CASP8: variants seen among roughly 807,000 people sequenced by gnomAD.
The protein encoded by CASP8 is caspase-8.
Under a neutral mutation model 46.3 loss-of-function variants are expected in CASP8, and 24 were observed. That is an observed-to-expected ratio of 0.52 (90% CI 0.38 to 0.73). CASP8 has a LOEUF of 0.73. Among genes scored for constraint, CASP8 ranks in the 30% least tolerant of loss-of-function variants. The probability of loss-of-function intolerance (pLI) is 0.00; values close to 1 mark genes in which losing one functional copy is unlikely to be tolerated. For synonymous variants in CASP8, 188 were observed against 200.4 expected (o/e 0.94, Z 0.52); for missense variants, 460 against 559.0 (o/e 0.82, Z 1.79).
At position 201,284,907 on chromosome 2, in the gene CASP8, C is replaced by A; in HGVS notation, c.894C>A (p.Ile298=). The A allele has an allele frequency of 6.2e-7, 1 of 1,614,144 alleles. No homozygotes were observed. The highest frequency in any genetic ancestry group is 8.5e-7 in the Non-Finnish European group (1 of 1,180,020). The stretch of plus-strand genomic sequence containing the variant: ...AGCAAATCTATGAGATTTTGAAAAT[C>A]TACCAACTCATGGACCACAGTAACA... ...TVEQIYEILK[I]YQLMDHSNMD... is the part of the protein sequence containing the mutation. Residue 298 remains isoleucine (I), a synonymous_variant, in exon 8 of 9, where the codon ATC becomes ATA. Transcript: ENST00000673742.
chr2:201,265,379 G>A (rs202033955), intron 1 of CASP8, among the ~76,000 whole-genome samples: 20 of 144,508 alleles, frequency 1.4e-4, no homozygotes, highest in East Asian at 4.1e-4. Context: ...GGTCTCAAAA[G>A]AAAAAAAAAA....
chr2:201,275,956 CTT>C (rs1162282614), intron 6 of CASP8, among the ~76,000 whole-genome samples: 2 of 152,128 alleles, frequency 1.3e-5, no homozygotes, highest in Admixed American at 6.6e-5. Flanking sequence ...ATAATAAAAA[CTT>C]AACATACTTG....
chr2:201,282,138 C>T (rs1482422246), intron 7 of CASP8, among the ~76,000 whole-genome samples: 6 of 58,018 alleles, frequency 1.0e-4, no homozygotes, highest in Non-Finnish European at 2.3e-4. Context: ...GGTGATGACT[C>T]TTAACGAGCA....
chr2:201,264,030 C>T (rs1407557980), intron 1 of CASP8, among the ~76,000 whole-genome samples: 1 of 152,218 alleles, frequency 6.6e-6, no homozygotes, highest in Non-Finnish European at 1.5e-5. Flanking sequence ...GAAGGAACTT[C>T]CTGTGCATTT....
intron 7 of CASP8, among the ~76,000 whole-genome samples, chr2:201,281,472 A>G (rs926098172): frequency 1.3e-5 from 2 of 152,204 alleles, no homozygotes; most frequent in Non-Finnish European, 2.9e-5. Context: ...TCATTACAAA[A>G]TGGAGCTCAA....
intron 2 of CASP8, among the ~76,000 whole-genome samples, chr2:201,243,776 C>T (rs536240625): frequency 1.1e-4 from 17 of 152,260 alleles, no homozygotes; most frequent in South Asian, 4.1e-4. Flanking sequence ...TAGTTTAATA[C>T]GCATAACAGC....
chr2:201,284,822 T>G lies in CASP8; in HGVS notation c.809T>G (p.Leu270Trp). 1 of 1,614,036 alleles carries G rather than the reference T, an allele frequency of 6.2e-7. No homozygotes were observed. The highest frequency in any genetic ancestry group is 8.5e-7 in the Non-Finnish European group (1 of 1,180,028). Reference protein sequence around the residue: ...RNGTHLDAGALTTTFEELHFE... With the variant: ...RNGTHLDAGAWTTTFEELHFE... ...TTCAAATTTCACTTTTCAGGGGCTTTGACCACGACCTTTGAAGAGCTTCAT... is the reference window on the plus strand; with the variant it reads ...TTCAAATTTCACTTTTCAGGGGCTTGGACCACGACCTTTGAAGAGCTTCAT... The change falls in exon 8 of 9, where the codon TTG becomes TGG. Residue 270 changes from leucine (L) to tryptophan (W), a missense_variant. By Grantham distance (61) the Leu-to-Trp change is moderately conservative (BLOSUM62 -2). Transcript: ENST00000673742.
At chr2:201,286,312 G>A in intron 8 of CASP8, 147 bp from the exon 9 acceptor site, 1 of 879,230 alleles carries the variant, frequency 1.1e-6, no homozygotes, top group Non-Finnish European at 1.8e-6. Flanking sequence ...GAAAGCTGGG[G>A]TAGGTCTTGG....
chr2:201,272,003 G>A lies in CASP8; in HGVS notation c.411+382G>A, dbSNP rs534166019. Among the ~76,000 whole-genome samples, 7 of 152,172 alleles carry A rather than the reference G, an allele frequency of 4.6e-5. No individual in the cohort carries two copies. The highest frequency in any genetic ancestry group is 1.7e-4 in the African/African-American group (7 of 41,522). The stretch of plus-strand genomic sequence containing the variant: ...GTTGTGTGTGTATTTCCGTGTCTGT[G>A]TGTGCCTTTCTCTGTGTATAGTGTG... On this transcript the variant is annotated intron_variant, in intron 3 of 8. Coordinates refer to ENST00000673742, the MANE Select transcript of CASP8 (RefSeq NM_001372051.1). The surrounding 1 kb of genome is among the most constrained non-coding windows in gnomAD (Gnocchi z 4.4).
chr2:201,247,014 G>A (rs549498060), intron 2 of CASP8, among the ~76,000 whole-genome samples: 281 of 151,998 alleles, frequency 1.8e-3, no homozygotes, highest in African/African-American at 6.3e-3. Context: ...GGCCAAGATG[G>A]TGAAACCCTG....
At chr2:201,252,095 C>A (rs1180380466) in intron 2 of CASP8, among the ~76,000 whole-genome samples, 6 of 152,154 alleles carry the variant, frequency 3.9e-5, no homozygotes, top group African/African-American at 1.4e-4. Context: ...TTTTAATTTG[C>A]AATTCCCTAA....
intron 2 of CASP8, among the ~76,000 whole-genome samples, chr2:201,236,604 G>C (rs1576175245): frequency 6.6e-6 from 1 of 152,238 alleles, no homozygotes; most frequent in East Asian, 1.9e-4. Context: ...TTTTTTTAGA[G>C]ACAAGAGTTT....
At chr2:201,257,202 C>T (rs192309066), upstream of CASP8, among the ~76,000 whole-genome samples, 1 of 152,066 alleles carries the variant, frequency 6.6e-6, no homozygotes, top group East Asian at 1.9e-4. Flanking sequence ...AGGGGAGGGG[C>T]TGGGCACCGT....
chr2:201,271,908 A>G (rs1948278723), intron 3 of CASP8, among the ~76,000 whole-genome samples: 1 of 152,094 alleles, frequency 6.6e-6, no homozygotes, highest in Admixed American at 6.5e-5. Flanking sequence ...GGTCTGAGAT[A>G]TTTCCTCCAC....
At chr2:201,283,828 A>G (rs1257740101) in intron 7 of CASP8, among the ~76,000 whole-genome samples, 1 of 38,836 alleles carries the variant, frequency 2.6e-5, no homozygotes, top group Non-Finnish European at 6.2e-5. Context: ...GACCCCCCCC[A>G]CCTCCCTCCC....
In CASP8 at chr2:201,285,101, A is replaced by C; in HGVS notation, c.1088A>C (p.Asp363Ala). ...TTTTTTATTCAGGCTTGTCAGGGGG[A>C]TAACTACCAGAAAGGTATACCTGTT... is the stretch of plus-strand genomic sequence containing the variant. ...KVFFIQACQG[D>A]NYQKGIPVET... Residue 363 changes from aspartate (D) to alanine (A), a missense_variant, in exon 8 of 9, where the codon GAT (aspartate) becomes GCT (alanine). Physicochemically the swap from Asp to Ala is moderately radical, Grantham distance 126. Transcript: ENST00000673742. The C allele has an allele frequency of 6.2e-7, 1 of 1,614,110 alleles. No homozygotes were observed. The highest frequency in any genetic ancestry group is 8.5e-7 in the Non-Finnish European group (1 of 1,180,010).
chr2:201,244,501 G>T (rs1449618812), intron 2 of CASP8, among the ~76,000 whole-genome samples: 1 of 152,112 alleles, frequency 6.6e-6, no homozygotes, highest in Admixed American at 6.5e-5. Context: ...ATGGGTAAGG[G>T]TAGCATCTTC....
intron 2 of CASP8, among the ~76,000 whole-genome samples, chr2:201,252,064 T>C (rs142710054): frequency 6.6e-6 from 1 of 152,310 alleles, no homozygotes; most frequent in Non-Finnish European, 1.5e-5. Context: ...TTGGCAAATA[T>C]GTAGTGGTAT....
chr2:201,284,963 A>T lies in CASP8; in HGVS notation c.950A>T (p.His317Leu). The T allele has an allele frequency of 6.2e-7, 1 of 1,614,108 alleles. No homozygotes were observed. The highest frequency in any genetic ancestry group is 8.5e-7 in the Non-Finnish European group (1 of 1,179,998). Residue 317 changes from histidine to leucine, a missense_variant, in exon 8 of 9, where the codon CAT becomes CTT. Transcript: ENST00000673742. ...TGCTTCATCTGCTGTATCCTCTCCCATGGAGACAAGGGCATCATCTATGGC... is the reference window on the plus strand; with the variant it reads ...TGCTTCATCTGCTGTATCCTCTCCCTTGGAGACAAGGGCATCATCTATGGC... ...MDCFICCILS[H>L]GDKGIIYGTD...
Sources: allele counts gnomAD v4.1 joint callset (sites outside exome capture counted in the v4.1 genomes callset), GRCh38; gene constraint gnomAD v4.1.1; non-coding constraint Gnocchi (gnomAD v3.1); transcripts MANE v1.5; gene names NCBI Gene and HGNC (gene_info 2026-07-23, HGNC 2026-07-21).